Variants in ZNF544 observed in about 807,000 individuals in gnomAD.
The protein encoded by ZNF544 is zinc finger protein AF020591.
In ZNF544, 10 loss-of-function variants were observed where a neutral mutation model predicts 13.5. The ratio of observed to expected loss-of-function variants is 0.74; its 90% CI spans 0.46 to 1.25. The LOEUF is 1.25. Ranked by LOEUF, ZNF544 falls within the 50% of genes most tolerant of loss-of-function variation. The pLI is 0.00. For synonymous variants in ZNF544, 323 were observed against 300.5 expected (o/e 1.07, Z -0.77); for missense variants, 896 against 845.6 (o/e 1.06, Z -0.74).
At chr19:58,229,312 G>GGCCCTCCC in intron 1 of ZNF544, 156 bp from the exon 2 acceptor site, 1 of 140,486 alleles carries the variant, frequency 7.1e-6, no homozygotes, top group Admixed American at 6.9e-5. Flanking sequence ...GGACTGGGTG[G>GGCCCTCCC]GACTGGGTGG....
At chr19:58,246,279 A>C in intron 4 of ZNF544, 22 bp from the exon 5 acceptor site, 1 of 1,613,802 alleles carries the variant, frequency 6.2e-7, no homozygotes, top group Non-Finnish European at 8.5e-7. Flanking sequence ...GTCTCTGAGC[A>C]GTAACAAGTG....
At chr19:58,271,135 C>A (rs2050582250) in intron 5 of ZNF544, among the ~76,000 whole-genome samples, 1 of 151,522 alleles carries the variant, frequency 6.6e-6, no homozygotes, top group African/African-American at 2.4e-5. Context: ...TCGTTTGAAC[C>A]CAGGAAGTGG....
chr19:58,241,179 A>ATTT (rs57421577), intron 3 of ZNF544, among the ~76,000 whole-genome samples: 6 of 72,768 alleles, frequency 8.2e-5, no homozygotes, highest in East Asian at 4.0e-4. Flanking sequence ...ATATATATAT[A>ATTT]TTTTTTTTTT....
chr19:58,236,231 C>T lies in ZNF544; in HGVS notation c.-60+5769C>T, dbSNP rs115889842. Among the ~76,000 whole-genome samples, 830 of 151,212 alleles carry T rather than the reference C, an allele frequency of 5.5e-3. 8 individuals are homozygous for T. Among genetic ancestry groups the T allele is most frequent in the African/African-American group, 0.015 (637 of 41,246 alleles). On this transcript the variant is annotated intron_variant, in intron 3 of 6. Coordinates refer to ENST00000687789, the MANE Select transcript of ZNF544 (RefSeq NM_014480.4). ...TTTTGAAAACAGAAACAGCCAGGCA[C>T]GGTGACTCACGCAATGCTAGCACTT...
At chr19:58,266,715 T>C (rs1455624313), downstream of ZNF544, 3 of 145,704 alleles carry the variant, frequency 2.1e-5, no homozygotes, top group Admixed American at 7.2e-5. Flanking sequence ...CATTTTTTTT[T>C]CTTGCCTGGC....
At chr19:58,237,586 C>T (rs1273904468) in intron 3 of ZNF544, among the ~76,000 whole-genome samples, 2 of 152,206 alleles carry the variant, frequency 1.3e-5, no homozygotes, top group African/African-American at 2.4e-5. Flanking sequence ...CCGAGGGGCC[C>T]TTCCAGCTAC....
At position 58,230,170 on chromosome 19, in the gene ZNF544, A is replaced by G. The variant is rs1471720206; in HGVS notation, c.-128-224A>G. On this transcript the variant is annotated intron_variant, in intron 2 of 6. Coordinates refer to ENST00000687789, the MANE Select transcript of ZNF544 (RefSeq NM_014480.4). Reference sequence around the variant, plus strand: ...AGGAGAAAACTGGAAAAGGAAAGAGAAAGCAACTCCCTCCCCAGCCCTGCA... The same window carrying G: ...AGGAGAAAACTGGAAAAGGAAAGAGGAAGCAACTCCCTCCCCAGCCCTGCA... 2.0e-5 allele frequency: 3 copies of G among 152,196 alleles called. No individual in the cohort carries two copies. The East Asian group carries it at 5.8e-4, about 29-fold the overall frequency. The allele number at this position is 152,196 out of a possible 1,614,324, so 9.4% of individuals were successfully genotyped here. A position where few individuals can be genotyped will look rare whatever the true frequency, so the allele number is the denominator to read the frequency against.
intron 6 of ZNF544, among the ~76,000 whole-genome samples, chr19:58,249,277 C>T (rs2045916934): frequency 6.6e-6 from 1 of 152,126 alleles, no homozygotes; most frequent in African/African-American, 2.4e-5. Context: ...GATAGTCTTT[C>T]TTCTGTAACT....
rs57421577 is a variant in ZNF544 at position 58,241,179 on chromosome 19, A to AT, written c.-59-2773dup. ...TATATTTAAATATATATATATATAT[A>AT]TTTTTTTTTTTTTGTAGAGATAGGG... On this transcript the variant is annotated intron_variant, in intron 3 of 6. Transcript: ENST00000687789. Among the ~76,000 whole-genome samples the AT allele has an allele frequency of 3.8e-3, 273 of 72,752 alleles. 24 individuals carry two copies. The highest frequency in any genetic ancestry group is 0.013 in the South Asian group (35 of 2,680). The allele number at this position is 72,752 out of a possible 152,430, so 47.7% of individuals were successfully genotyped here. A position where few individuals can be genotyped will look rare whatever the true frequency, so the allele number is the denominator to read the frequency against.
intron 6 of ZNF544, among the ~76,000 whole-genome samples, chr19:58,250,692 A>G (rs1012027704): frequency 2.0e-5 from 3 of 152,148 alleles, no homozygotes; most frequent in Non-Finnish European, 2.9e-5. Flanking sequence ...TGGGCCCCAA[A>G]TGGGTTTCTG....
rs377495494 is a variant in ZNF544, at chr19:58,262,674, T to TGTAG, written c.2069_2072dup (p.Ser691ArgfsTer2). 1,455 of 1,613,214 alleles carry TGTAG rather than the reference T, an allele frequency of 9.0e-4. 15 individuals are homozygous for TGTAG. In the East Asian group the frequency reaches 0.023, roughly 25 times the overall value. Reference sequence around the variant, plus strand: ...TCATTCTGGAGAGAAACCCTATGAATGTAGTGACTGTGGGAAATCCTTCCG... The same window carrying TGTAG: ...TCATTCTGGAGAGAAACCCTATGAATGTAGGTAGTGACTGTGGGAAATCCTTCCG... On this transcript the variant is annotated frameshift_variant, in exon 7 of 7. Transcript: ENST00000687789. LOFTEE classifies it low-confidence loss of function (END_TRUNC).
At chr19:58,276,306 AC>A in intron 5 of ZNF544, 1 of 1,198,252 alleles carries the variant, frequency 8.3e-7, no homozygotes, top group South Asian at 4.2e-5. Flanking sequence ...TCCTCCTAGT[AC>A]CTTCTCTGCC....
At chr19:58,266,250 G>T (rs371371265), downstream of ZNF544, among the ~76,000 whole-genome samples, 16 of 148,308 alleles carry the variant, frequency 1.1e-4, no homozygotes, top group East Asian at 2.4e-3. Context: ...TGTGTGCGGT[G>T]GCTCACGCCT....
At chr19:58,238,941 C>T (rs2042991862) in intron 3 of ZNF544, among the ~76,000 whole-genome samples, 1 of 151,894 alleles carries the variant, frequency 6.6e-6, no homozygotes, top group African/African-American at 2.4e-5. Flanking sequence ...ACACAGGACA[C>T]AGGTTTGGTG....
At chr19:58,251,303 A>G (rs376569780) in intron 6 of ZNF544, 2 of 518,914 alleles carry the variant, frequency 3.9e-6, no homozygotes, top group African/African-American at 3.8e-5. Flanking sequence ...CTGTCTTTTA[A>G]ACAGGTACTT....
chr19:58,269,265 T>C lies in ZNF544; in HGVS notation c.245-7058T>C, dbSNP rs392642. 2.6e-3 allele frequency among the ~76,000 whole-genome samples: 388 copies of C among 151,458 alleles called. 5 individuals are homozygous for C. In the East Asian group the frequency reaches 0.057, roughly 22 times the overall value. On this transcript the variant is annotated intron_variant, in intron 5 of 6. Transcript: ENST00000595981. The stretch of plus-strand genomic sequence containing the variant: ...GCCTGGCCGACATTGTGAAACCTCA[T>C]CTCTAATAAAAATTCAAAAATTAGC...
downstream of ZNF544, among the ~76,000 whole-genome samples, chr19:58,265,159 AAGT>A (rs2049699549): frequency 6.6e-6 from 1 of 152,234 alleles, no homozygotes; most frequent in Non-Finnish European, 1.5e-5. Flanking sequence ...ACAGGAGCCC[AAGT>A]AGTATGTTCA....
At chr19:58,269,462 A>G (rs1039158695) in intron 5 of ZNF544, among the ~76,000 whole-genome samples, 32 of 140,176 alleles carry the variant, frequency 2.3e-4, no homozygotes, top group African/African-American at 8.6e-4. Context: ...AAAAAATGTC[A>G]GGGTCGGGCA....
intron 6 of ZNF544, among the ~76,000 whole-genome samples, chr19:58,250,800 A>G (rs1449393828): frequency 6.6e-6 from 1 of 152,122 alleles, no homozygotes; most frequent in Admixed American, 6.6e-5. Context: ...AAGGCCAAAG[A>G]TTGGGCTGGG....
Sources: gnomAD v4.1 joint callset for allele counts (sites outside exome capture counted in the v4.1 genomes callset) on GRCh38, gnomAD v4.1.1 for gene constraint, MANE v1.5 for transcripts, NCBI Gene and HGNC (gene_info 2026-07-23, HGNC 2026-07-21) for gene names.